Variants in CLPTM1 observed in about 807,000 individuals in gnomAD.
The protein encoded by CLPTM1 is CLPTM1 regulator of GABA type A receptor forward trafficking, also known as putative lipid scramblase CLPTM1.
In CLPTM1, 21 loss-of-function variants were observed where a neutral mutation model predicts 77.3. The observed-to-expected ratio is 0.27, with a 90% CI of 0.19 to 0.39. The LOEUF (loss-of-function observed/expected upper bound fraction) is 0.39. CLPTM1 is among the 10% of genes least tolerant of loss of function. CLPTM1 has a pLI of 1.00. For synonymous variants in CLPTM1, 373 were observed against 381.0 expected (o/e 0.98, Z 0.24); for missense variants, 642 against 921.2 (o/e 0.70, Z 3.92).
chr19:44,982,681 T>TC (rs1568387558), intron 5 of CLPTM1, among the ~76,000 whole-genome samples: 1 of 152,188 alleles, frequency 6.6e-6, no homozygotes, highest in African/African-American at 2.4e-5. Flanking sequence ...TTGGGGCATG[T>TC]CCCCCTGGAA....
At chr19:44,975,156 A>T (rs181797359) in intron 4 of CLPTM1, among the ~76,000 whole-genome samples, 2 of 152,058 alleles carry the variant, frequency 1.3e-5, no homozygotes, top group African/African-American at 4.8e-5. Context: ...CTCAAATCCA[A>T]CCTCCTCCAG....
Position 44,988,104 on chromosome 19 carries a change from T to C in CLPTM1, c.1063T>C (p.Tyr355His). 6.2e-7 allele frequency: 1 copy of C among 1,613,840 alleles called. No homozygotes were observed. Residue 355 changes from tyrosine (Y) to histidine (H), a missense_variant, in exon 9 of 14, where the codon TAC becomes CAC. Transcript: ENST00000337392. ...GGTGGCCCTGCTGGAGACCAACCCC[T>C]ACCTGCTGGCGCTCACCATCATCGT... ...VKVALLETNP[Y>H]LLALTIIVSI...
chr19:44,992,381 G>T lies in CLPTM1; in HGVS notation c.1704G>T (p.Arg568=). 1 of 1,614,138 alleles carries T rather than the reference G, an allele frequency of 6.2e-7. No individual in the cohort carries two copies. ...AFVIKMPVMY[R]IGCLRDDVVF... is the part of the protein sequence containing the mutation. ...TCATCAAGATGCCCGTTATGTACCG[G>T]ATCGGCTGCCTGCGGGACGGTGAGG... The change falls in exon 13 of 14, where the codon CGG becomes CGT. Residue 568 remains arginine, a synonymous_variant. Transcript: ENST00000337392. The surrounding 1 kb of genome is among the most constrained non-coding windows in gnomAD (Gnocchi z 7.7).
Position 44,974,531 on chromosome 19 carries a change from C to A in CLPTM1, c.402C>A (p.Gly134=). The part of the protein sequence containing the change: ...LFWEQHDLVY[G]DWTSGENSDG... ...GGGAACAGCACGATCTTGTGTATGG[C>A]GACTGGACTAGCGGCGAGAACTCAG... Residue 134 remains glycine (G), a synonymous_variant, in exon 4 of 14, where the codon GGC becomes GGA. Transcript: ENST00000337392. 1 of 1,614,206 alleles carries A rather than the reference C, an allele frequency of 6.2e-7. No individual in the cohort carries two copies. Among genetic ancestry groups the A allele is most frequent in the Middle Eastern group, 1.6e-4 (1 of 6,062 alleles).
rs113342818 is a variant in CLPTM1, at chr19:44,990,633, G to T, written c.1323+48G>T. On this transcript the variant is annotated intron_variant, in intron 10 of 13. Coordinates refer to ENST00000337392, the MANE Select transcript of CLPTM1 (RefSeq NM_001294.4). This position sits in a 1 kb window ranked among gnomAD's most constrained non-coding sequence, Gnocchi z 4.8. ...TCTCGGGAGCTGCAGGGGTTGGGAG[G>T]GGGTAGTGTGGCCCAGCTGGACCCT... 1.3e-5 allele frequency: 20 copies of T among 1,591,622 alleles called. No homozygotes were observed. The African/African-American group carries it at 2.3e-4, about 18-fold the overall frequency.
At chr19:44,954,780 C>T (rs1286284496), upstream of CLPTM1, 2 of 1,344,098 alleles carry the variant, frequency 1.5e-6, no homozygotes, top group African/African-American at 1.5e-5. Flanking sequence ...AGGGTCTCAT[C>T]GGAGGTTTGT....
chr19:44,980,068 C>T (rs943681983), intron 5 of CLPTM1, among the ~76,000 whole-genome samples: 3 of 152,158 alleles, frequency 2.0e-5, no homozygotes, highest in Non-Finnish European at 4.4e-5. Flanking sequence ...AAAATAGAAC[C>T]TGCAGACAGT....
chr19:44,959,090 T>A (rs1970505593), intron 1 of CLPTM1, among the ~76,000 whole-genome samples: 1 of 152,248 alleles, frequency 6.6e-6, no homozygotes, highest in Non-Finnish European at 1.5e-5. Flanking sequence ...TCAGTGGTAG[T>A]CTGCAGACAT....
intron 6 of CLPTM1, among the ~76,000 whole-genome samples, chr19:44,985,815 G>C (rs909003195): frequency 1.7e-4 from 26 of 152,210 alleles, no homozygotes; most frequent in African/African-American, 5.1e-4. Flanking sequence ...TCCTGTGTTG[G>C]GGGGGTGGTC....
At chr19:44,980,627 A>T (rs956867877) in intron 5 of CLPTM1, among the ~76,000 whole-genome samples, 29 of 151,548 alleles carry the variant, frequency 1.9e-4, no homozygotes, top group Admixed American at 2.0e-4. Flanking sequence ...AGGCATTAAA[A>T]TTTTTCCAAT....
chr19:44,955,372 G>A, upstream of CLPTM1: 2 of 1,287,922 alleles, frequency 1.6e-6, no homozygotes, highest in Non-Finnish European at 2.0e-6. Flanking sequence ...GCTGGCGGCG[G>A]GGGCGGGGAC....
chr19:44,968,495 G>A (rs776108356), intron 2 of CLPTM1, among the ~76,000 whole-genome samples: 8 of 152,212 alleles, frequency 5.3e-5, no homozygotes, highest in Non-Finnish European at 8.8e-5. Flanking sequence ...AGGATTTAAT[G>A]TCTGTTTTCT....
rs1002440167 is a variant in CLPTM1 at position 44,992,753 on chromosome 19, G to T, written c.1866G>T (p.Thr622=). ...AEVPTAAGAL[T]PTPAPTTTTA... ...TTCCCACAGCAGCAGGGGCCCTCAC[G>T]CCCACACCTGCACCCACCACGACCA... The change falls in exon 14 of 14, where the codon ACG becomes ACT. Residue 622 remains threonine, a synonymous_variant. Transcript: ENST00000337392. This position sits in a 1 kb window ranked among gnomAD's most constrained non-coding sequence, Gnocchi z 7.7. 1 of 1,612,452 alleles carries T rather than the reference G, an allele frequency of 6.2e-7. No homozygotes were observed. Among genetic ancestry groups the T allele is most frequent in the Non-Finnish European group, 8.5e-7 (1 of 1,179,820 alleles).
At chr19:44,969,698 T>C (rs910815380) in intron 2 of CLPTM1, among the ~76,000 whole-genome samples, 8 of 151,470 alleles carry the variant, frequency 5.3e-5, no homozygotes, top group Non-Finnish European at 1.0e-4. Context: ...TTTTTTTTTT[T>C]TTTTTTTGAG....
intron 2 of CLPTM1, among the ~76,000 whole-genome samples, chr19:44,967,883 GTCTCCACT>G (rs762168445): frequency 3.9e-4 from 59 of 152,050 alleles, no homozygotes; most frequent in Non-Finnish European, 6.3e-4. Context: ...GTCCCTTACC[GTCTCCACT>G]TCACCTCCCC....
At chr19:44,976,344 G>C (rs975834584) in intron 4 of CLPTM1, among the ~76,000 whole-genome samples, 1 of 152,222 alleles carries the variant, frequency 6.6e-6, no homozygotes, top group Admixed American at 6.5e-5. Context: ...GGAGAGCTGG[G>C]CACAGTGGCA....
At position 44,986,442 on chromosome 19, in the gene CLPTM1, C is replaced by T. The variant is rs187450949; in HGVS notation, c.673-13C>T. 9.2e-4 allele frequency: 1,492 copies of T among 1,613,172 alleles called. 15 individuals are homozygous for T. In the African/African-American group the frequency reaches 0.017, roughly 18 times the overall value. On this transcript the variant is annotated splice_polypyrimidine_tract_variant and intron_variant, in intron 6 of 13. Coordinates refer to ENST00000337392, the MANE Select transcript of CLPTM1 (RefSeq NM_001294.4). ...CACCTGCCTCTGAGGTCCTTCCCCC[C>T]ATGTTGCCTCAGAGGGCTGAGGACT...
In CLPTM1 at chr19:44,993,192, G is replaced by A. The variant is rs751906317; in HGVS notation, c.*295G>A. ...GCAGCGTTGCCGAGGGGGTGGGTTGGGCGGGGGTGGGGCCGGGCCCCCCTA... is the reference window on the plus strand; with the variant it reads ...GCAGCGTTGCCGAGGGGGTGGGTTGAGCGGGGGTGGGGCCGGGCCCCCCTA... On this transcript the variant is annotated 3_prime_UTR_variant, in exon 14 of 14. Coordinates refer to ENST00000337392, the MANE Select transcript of CLPTM1 (RefSeq NM_001294.4). 20 of 562,162 alleles carry A rather than the reference G, an allele frequency of 3.6e-5. No individual in the cohort carries two copies. Among genetic ancestry groups the A allele is most frequent in the South Asian group, 3.1e-4 (20 of 65,362 alleles). 34.8% of individuals were successfully genotyped at this position (562,162 alleles called of 1,614,324 possible).
At chr19:44,972,982 C>A in intron 2 of CLPTM1, 105 bp from the exon 3 acceptor site, 1 of 1,492,182 alleles carries the variant, frequency 6.7e-7, no homozygotes, top group South Asian at 1.3e-5. Flanking sequence ...TGGTCACTAG[C>A]CCCAGGTCAG....
Sources: allele counts gnomAD v4.1 joint callset (sites outside exome capture counted in the v4.1 genomes callset), GRCh38; gene constraint gnomAD v4.1.1; non-coding constraint Gnocchi (gnomAD v3.1); transcripts MANE v1.5; gene names NCBI Gene and HGNC (gene_info 2026-07-23, HGNC 2026-07-21).